The following NAV2 variants were observed in gnomAD, a reference collection of about 807,000 sequenced individuals.
The protein encoded by NAV2 is helicase, APC down-regulated 1.
Under a neutral mutation model 223.2 loss-of-function variants are expected in NAV2, and 54 were observed. The ratio of observed to expected loss-of-function variants is 0.24; its 90% CI spans 0.19 to 0.30. The LOEUF is 0.30. Ranked by LOEUF, NAV2 falls within the 10% of genes least tolerant of loss-of-function variation. The probability of loss-of-function intolerance (pLI) is 1.00; values close to 1 mark genes in which losing one functional copy is unlikely to be tolerated. For synonymous variants in NAV2, 1,279 were observed against 1,239.3 expected (o/e 1.03, Z -0.67); for missense variants, 2,806 against 3,147.5 (o/e 0.89, Z 2.60).
chr11:19,365,254 C>T (rs1848237055), intron 1 of NAV2, among the ~76,000 whole-genome samples: 1 of 152,234 alleles, frequency 6.6e-6, no homozygotes, highest in African/African-American at 2.4e-5. Context: ...ATTCAAGATT[C>T]ATCTCACATT....
intron 1 of NAV2, among the ~76,000 whole-genome samples, chr11:19,789,624 G>T (rs750303180): frequency 1.3e-5 from 2 of 152,174 alleles, no homozygotes; most frequent in Non-Finnish European, 2.9e-5. Context: ...AGGTCTTATC[G>T]TGAAAATGAA....
At chr11:19,942,652 C>G (rs939641561) in intron 8 of NAV2, among the ~76,000 whole-genome samples, 2 of 152,080 alleles carry the variant, frequency 1.3e-5, no homozygotes, top group Admixed American at 1.3e-4. Context: ...GTGGGGGTTA[C>G]CAAAAGGAAA....
intron 7 of NAV2, among the ~76,000 whole-genome samples, chr11:19,938,153 TAAAGG>T (rs2046075803): frequency 6.6e-6 from 1 of 152,018 alleles, no homozygotes; most frequent in Non-Finnish European, 1.5e-5. Context: ...GGGCTGGAAA[TAAAGG>T]AAGAATGTGG....
At chr11:19,566,165 C>A (rs1202492486) in intron 1 of NAV2, among the ~76,000 whole-genome samples, 1 of 151,906 alleles carries the variant, frequency 6.6e-6, no homozygotes, top group East Asian at 1.9e-4. Flanking sequence ...ACCTCTGGGG[C>A]TCAAGCAATC....
intron 11 of NAV2, among the ~76,000 whole-genome samples, chr11:20,019,772 T>A (rs2153529505): frequency 6.6e-6 from 1 of 151,896 alleles, no homozygotes; most frequent in South Asian, 2.1e-4. Context: ...GAAGGGAGAA[T>A]CTGTCGATGC....
intron 3 of NAV2, among the ~76,000 whole-genome samples, chr11:19,847,204 C>G (rs1051851279): frequency 7.2e-5 from 11 of 152,272 alleles, no homozygotes; most frequent in African/African-American, 2.2e-4. Context: ...ACTCACTGTA[C>G]TCAGGACATT....
At chr11:19,837,599 T>C (rs1205565758) in intron 2 of NAV2, among the ~76,000 whole-genome samples, 1 of 152,088 alleles carries the variant, frequency 6.6e-6, no homozygotes, top group Non-Finnish European at 1.5e-5. Flanking sequence ...AGTTATGCTA[T>C]ATGCCAGTCA....
At chr11:20,011,807 T>A (rs2053581137) in intron 11 of NAV2, among the ~76,000 whole-genome samples, 1 of 152,284 alleles carries the variant, frequency 6.6e-6, no homozygotes, top group Non-Finnish European at 1.5e-5. Context: ...CCATTCTATG[T>A]GGCGGAGCCA....
intron 11 of NAV2, among the ~76,000 whole-genome samples, chr11:20,028,294 C>T (rs2055314562): frequency 1.3e-5 from 2 of 152,132 alleles, no homozygotes; most frequent in Non-Finnish European, 2.9e-5. Flanking sequence ...GTCAGCATCC[C>T]TTCTAAGACT....
chr11:19,679,702 CCCA>C (rs1193958493), intron 1 of NAV2, among the ~76,000 whole-genome samples: 1 of 152,180 alleles, frequency 6.6e-6, no homozygotes, highest in East Asian at 1.9e-4. Flanking sequence ...TTCTGTGCTC[CCCA>C]CATCACAGCC....
intron 6 of NAV2, among the ~76,000 whole-genome samples, chr11:19,897,288 C>T (rs565284934): frequency 2.6e-5 from 4 of 152,070 alleles, no homozygotes; most frequent in South Asian, 4.2e-4. Context: ...TGTTAAATGA[C>T]GAGTTACTGG....
At chr11:19,618,547 T>C (rs2046883144) in intron 1 of NAV2, among the ~76,000 whole-genome samples, 2 of 151,766 alleles carry the variant, frequency 1.3e-5, no homozygotes, top group Admixed American at 1.3e-4. Flanking sequence ...GATGGGTCCC[T>C]GGTGACTCAA....
intron 6 of NAV2, among the ~76,000 whole-genome samples, chr11:19,916,226 A>G (rs769631069): frequency 7.2e-5 from 11 of 152,252 alleles, no homozygotes; most frequent in Non-Finnish European, 1.5e-4. Flanking sequence ...TCCACCATTT[A>G]ACTGGAAGAT....
chr11:19,889,541 C>T (rs771662522), intron 5 of NAV2, among the ~76,000 whole-genome samples: 13 of 152,166 alleles, frequency 8.5e-5, no homozygotes, highest in Non-Finnish European at 1.2e-4. Context: ...GCAAACCATT[C>T]GCCCTTTGCC....
At chr11:19,615,358 A>T (rs1449527344) in intron 1 of NAV2, among the ~76,000 whole-genome samples, 1 of 152,058 alleles carries the variant, frequency 6.6e-6, no homozygotes, top group East Asian at 1.9e-4. Flanking sequence ...CCTTATTTGT[A>T]AAATGGGGAT....
chr11:19,420,690 C>T (rs1187451595), intron 1 of NAV2, among the ~76,000 whole-genome samples: 1 of 152,124 alleles, frequency 6.6e-6, no homozygotes, highest in African/African-American at 2.4e-5. Flanking sequence ...TCCAAATAGG[C>T]AAAACCAATA....
chr11:19,618,408 G>GGATGGATGAATGAATA (rs2046872072), intron 1 of NAV2, among the ~76,000 whole-genome samples: 5 of 142,122 alleles, frequency 3.5e-5, no homozygotes, highest in Non-Finnish European at 7.5e-5. Flanking sequence ...ATAGATGGAT[G>GGATGGATGAATGAATA]GATGGATGGA....
At chr11:19,666,842 T>A (rs1205418415) in intron 1 of NAV2, among the ~76,000 whole-genome samples, 1 of 152,086 alleles carries the variant, frequency 6.6e-6, no homozygotes, top group Admixed American at 6.6e-5. Context: ...ATGCAGGTGT[T>A]TAGGTATCAA....
intron 1 of NAV2, among the ~76,000 whole-genome samples, chr11:19,630,260 C>T (rs941975716): frequency 6.6e-6 from 1 of 152,212 alleles, no homozygotes; most frequent in Non-Finnish European, 1.5e-5. Context: ...TACATAAAGC[C>T]TACCTGGCTT....
Sources: gnomAD v4.1 joint callset for allele counts (sites outside exome capture counted in the v4.1 genomes callset) on GRCh38, gnomAD v4.1.1 for gene constraint, MANE v1.5 for transcripts, NCBI Gene and HGNC (gene_info 2026-07-23, HGNC 2026-07-21) for gene names.